Variants in ZNF333 observed in about 807,000 individuals in gnomAD.
ZNF333 encodes zinc finger protein 333.
A neutral mutation model predicts 76.1 loss-of-function variants in ZNF333; 61 were observed. The ratio of observed to expected loss-of-function variants is 0.80; its 90% CI spans 0.65 to 0.99. The LOEUF (loss-of-function observed/expected upper bound fraction) is 0.99, where lower values mean the gene tolerates loss of function less well. ZNF333 is among the 50% of genes least tolerant of loss of function. ZNF333 has a pLI of 0.00. For missense variants in ZNF333, 717 were observed against 822.4 expected (o/e 0.87, Z 1.57); for synonymous variants, 284 against 305.0 (o/e 0.93, Z 0.72).
rs1272366073 is a variant in ZNF333 at position 14,716,150 on chromosome 19, C to T, written c.639C>T (p.Thr213=). ...TTGCAGATGTGGCTGTGGTGTTCACCCCAGAAGAATGGGTGTTTCTGGACT... is the reference window on the plus strand; with the variant it reads ...TTGCAGATGTGGCTGTGGTGTTCACTCCAGAAGAATGGGTGTTTCTGGACT... ...VTFADVAVVF[T]PEEWVFLDST... Residue 213 remains threonine (T), a synonymous_variant, in exon 9 of 12, where the codon ACC becomes ACT. Coordinates refer to ENST00000292530, the MANE Select transcript of ZNF333 (RefSeq NM_032433.4). 2 of 1,614,122 alleles carry T rather than the reference C, an allele frequency of 1.2e-6. No individual in the cohort carries two copies. The highest frequency in any genetic ancestry group is 1.6e-4 in the Middle Eastern group (1 of 6,062).
rs113229467 is a variant in ZNF333, at chr19:14,705,402, G to A, written c.423+232G>A. 5.7e-3 allele frequency among the ~76,000 whole-genome samples: 866 copies of A among 152,272 alleles called. 7 individuals are homozygous for A. Among genetic ancestry groups the A allele is most frequent in the African/African-American group, 0.019 (796 of 41,536 alleles). On this transcript the variant is annotated intron_variant, in intron 6 of 11. Coordinates refer to ENST00000292530, the MANE Select transcript of ZNF333 (RefSeq NM_032433.4). ...TGGGGGAGGGTCTGGTTGTTGGACT[G>A]TAGGCCCTGCCTTTCCTGGTCCAGC... is the stretch of plus-strand genomic sequence containing the variant.
chr19:14,696,537 C>T (rs1157910885), intron 4 of ZNF333, among the ~76,000 whole-genome samples: 1 of 151,952 alleles, frequency 6.6e-6, no homozygotes, highest in Admixed American at 6.6e-5. Flanking sequence ...ACTCCTGGTT[C>T]TGGAGGCTGG....
At chr19:14,722,828 C>T (rs1226282794), downstream of ZNF333, among the ~76,000 whole-genome samples, 2 of 152,162 alleles carry the variant, frequency 1.3e-5, no homozygotes, top group East Asian at 3.9e-4. Context: ...CTGTGTTGCC[C>T]AGGCTGGAGT....
At chr19:14,704,929 C>T in intron 5 of ZNF333, 125 bp from the exon 6 acceptor site, 1 of 790,850 alleles carries the variant, frequency 1.3e-6, no homozygotes, top group South Asian at 1.7e-5. Context: ...GGGCATGAGC[C>T]ACTGCACCCA....
chr19:14,691,754 G>T (rs1287284101), intron 1 of ZNF333, among the ~76,000 whole-genome samples: 2 of 142,692 alleles, frequency 1.4e-5, no homozygotes, highest in Non-Finnish European at 3.0e-5. Context: ...TCGGCTCACT[G>T]CAGCTTCTGC....
At chr19:14,700,768 C>T (rs907970823) in intron 5 of ZNF333, among the ~76,000 whole-genome samples, 2 of 152,162 alleles carry the variant, frequency 1.3e-5, no homozygotes, top group African/African-American at 4.8e-5. Context: ...GCGTATTAGT[C>T]CCAGGGTCAG....
intron 8 of ZNF333, 80 bp from the exon 9 acceptor site, chr19:14,716,032 C>T: frequency 6.3e-7 from 1 of 1,588,132 alleles, no homozygotes; most frequent in Non-Finnish European, 8.6e-7. Flanking sequence ...TTCCCTTCCC[C>T]AGGCTTGCCA....
chr19:14,710,282 G>A (rs533819473), intron 7 of ZNF333, among the ~76,000 whole-genome samples: 83 of 152,338 alleles, frequency 5.4e-4, no homozygotes, highest in African/African-American at 1.8e-3. Flanking sequence ...TGTGAGGAGC[G>A]TGGGCTCAGG....
chr19:14,713,498 C>G (rs966950223), intron 7 of ZNF333, among the ~76,000 whole-genome samples: 1 of 151,978 alleles, frequency 6.6e-6, no homozygotes, highest in Non-Finnish European at 1.5e-5. Flanking sequence ...GAATTGACAC[C>G]CAGAGAATGG....
At chr19:14,703,030 C>T (rs898119940) in intron 5 of ZNF333, among the ~76,000 whole-genome samples, 14 of 151,686 alleles carry the variant, frequency 9.2e-5, no homozygotes, top group Non-Finnish European at 1.5e-4. Flanking sequence ...TGGTGAAACC[C>T]CGTCTCTACT....
At position 14,718,352 on chromosome 19, in the gene ZNF333, A is replaced by T; in HGVS notation, c.1025A>T (p.Glu342Val). 1 of 1,614,244 alleles carries T rather than the reference A, an allele frequency of 6.2e-7. No individual in the cohort carries two copies. Among genetic ancestry groups the T allele is most frequent in the Non-Finnish European group, 8.5e-7 (1 of 1,180,044 alleles). ...HAGEASCECQ[E>V]IRNSFFQSAH... ...GGAGAGGCATCCTGTGAATGTCAAG[A>T]GATTAGAAATTCCTTCTTCCAGAGT... Residue 342 changes from glutamate (E) to valine (V), a missense_variant, in exon 12 of 12, where the codon GAG (glutamate) becomes GTG (valine). Physicochemically the swap from Glu to Val is moderately radical, Grantham distance 121. Coordinates refer to ENST00000292530, the MANE Select transcript of ZNF333 (RefSeq NM_032433.4).
intron 7 of ZNF333, among the ~76,000 whole-genome samples, chr19:14,709,577 C>T (rs187258201): frequency 4.6e-5 from 7 of 152,194 alleles, no homozygotes; most frequent in African/African-American, 7.2e-5. Flanking sequence ...TTGTCTCCCC[C>T]GAAGGTGCCA....
rs144851750 is a variant in ZNF333, at chr19:14,712,618, G to A, written c.512-2764G>A. On this transcript the variant is annotated intron_variant, in intron 7 of 11. Transcript: ENST00000292530. ...GGCCGTGCTCCCTCTGATGGCTCGG[G>A]GGGGAGGATCCTGCCACCTGCTTTC... Among the ~76,000 whole-genome samples, 120 of 152,176 alleles carry A rather than the reference G, an allele frequency of 7.9e-4. 1 individual carries two copies. Among genetic ancestry groups the A allele is most frequent in the African/African-American group, 2.6e-3 (109 of 41,516 alleles).
At chr19:14,726,593 G>A (rs11670946), downstream of ZNF333, among the ~76,000 whole-genome samples, 24,922 of 152,134 alleles carry the variant, frequency 0.16, 2,341 homozygotes, top group Middle Eastern at 0.26. Context: ...AAGCAGCCGT[G>A]CCTCTCCTTG....
intron 7 of ZNF333, chr19:14,714,970 G>A: frequency 5.9e-6 from 1 of 170,294 alleles, no homozygotes; most frequent in South Asian, 1.2e-4. Flanking sequence ...GGTGGGGGCT[G>A]CAGGAGCTTT....
chr19:14,717,685 TC>T lies in ZNF333; in HGVS notation c.854del (p.Pro285LeufsTer14), dbSNP rs2042474079. 5.6e-6 allele frequency: 9 copies of T among 1,614,152 alleles called. No individual in the cohort carries two copies. Among genetic ancestry groups the T allele is most frequent in the Non-Finnish European group, 7.6e-6 (9 of 1,180,004 alleles). On this transcript the variant is annotated frameshift_variant, in exon 11 of 12. Transcript: ENST00000292530. LOFTEE classifies it high-confidence loss of function. ...CTCAGTGTCAACCCCAAGAGGCAAT[TC>T]CTAGCCAAGATACTTTTACAGAGAT... ...EPQCQPQEAI[P>X]SQDTFTEILS... is the part of the protein sequence containing the mutation.
intron 7 of ZNF333, among the ~76,000 whole-genome samples, chr19:14,710,819 A>G (rs1353755012): frequency 6.6e-6 from 1 of 152,114 alleles, no homozygotes; most frequent in East Asian, 1.9e-4. Context: ...AAAGAAGTGT[A>G]TCTGACTCAT....
intron 7 of ZNF333, among the ~76,000 whole-genome samples, chr19:14,713,998 C>T (rs1414274587): frequency 6.6e-6 from 1 of 151,976 alleles, no homozygotes; most frequent in African/African-American, 2.4e-5. Context: ...GGATGATGAG[C>T]ACACATCAGT....
At position 14,730,836 on chromosome 19, in the gene ZNF333, T is replaced by C. The variant is rs544402182; in HGVS notation, c.901-339T>C. On this transcript the variant is annotated intron_variant, in intron 11 of 11. Coordinates refer to the ZNF333 transcript ENST00000540689. ...CCCTCCTCCATCTAGTAGTCCCCAT[T>C]GTCTAATGCTCCCATCTTTATGTTC... 4.0e-5 allele frequency among the ~76,000 whole-genome samples: 6 copies of C among 151,832 alleles called. No homozygotes were observed. In the South Asian group the frequency reaches 1.3e-3, roughly 32 times the overall value.
Sources: allele counts gnomAD v4.1 joint callset (sites outside exome capture counted in the v4.1 genomes callset), GRCh38; gene constraint gnomAD v4.1.1; transcripts MANE v1.5; gene names NCBI Gene and HGNC (gene_info 2026-07-23, HGNC 2026-07-21).